The following RABGAP1L variants were observed in gnomAD, a reference collection of about 807,000 sequenced individuals.
RABGAP1L encodes the protein rab GTPase-activating protein 1-like.
A neutral mutation model predicts 137.7 loss-of-function variants in RABGAP1L; 63 were observed. The ratio of observed to expected loss-of-function variants is 0.46; its 90% CI spans 0.37 to 0.56. The LOEUF (loss-of-function observed/expected upper bound fraction) is 0.56, where lower values mean the gene tolerates loss of function less well. RABGAP1L is among the 20% of genes least tolerant of loss of function. The probability of loss-of-function intolerance (pLI) is 0.00; values close to 1 mark genes in which losing one functional copy is unlikely to be tolerated. For synonymous variants in RABGAP1L, 431 were observed against 433.7 expected (o/e 0.99, Z 0.08); for missense variants, 1,095 against 1,244.0 (o/e 0.88, Z 1.80).
chr1:174,187,161 A>G (rs1410429404), intron 1 of RABGAP1L, among the ~76,000 whole-genome samples: 1 of 152,176 alleles, frequency 6.6e-6, no homozygotes, highest in East Asian at 1.9e-4. Flanking sequence ...TTCTGTCCTC[A>G]GAGAGGCTTC....
At chr1:174,724,972 T>C (rs1393016683) in intron 17 of RABGAP1L, among the ~76,000 whole-genome samples, 1 of 152,122 alleles carries the variant, frequency 6.6e-6, no homozygotes, top group Non-Finnish European at 1.5e-5. Context: ...AGCCAGACTT[T>C]CTAGAACACA....
intron 19 of RABGAP1L, among the ~76,000 whole-genome samples, chr1:174,919,166 G>A (rs1208443327): frequency 6.6e-6 from 1 of 152,100 alleles, no homozygotes; most frequent in Admixed American, 6.6e-5. Flanking sequence ...TTACAGACAT[G>A]CGCCGCCATG....
intron 10 of RABGAP1L, among the ~76,000 whole-genome samples, chr1:174,303,396 T>C (rs1357604301): frequency 6.6e-6 from 1 of 152,172 alleles, no homozygotes; most frequent in African/African-American, 2.4e-5. Context: ...CTTGTAACTT[T>C]AGAGAATTTA....
At chr1:174,779,161 A>G (rs1686760825) in intron 18 of RABGAP1L, among the ~76,000 whole-genome samples, 1 of 152,170 alleles carries the variant, frequency 6.6e-6, no homozygotes, top group South Asian at 2.1e-4. Context: ...AAAGTATTTG[A>G]GTTGAACTTG....
chr1:174,724,892 T>A (rs1032416898), intron 17 of RABGAP1L, among the ~76,000 whole-genome samples: 3 of 151,994 alleles, frequency 2.0e-5, no homozygotes, highest in African/African-American at 4.8e-5. Flanking sequence ...AAGAGACGAG[T>A]AGGAGAAATC....
chr1:174,788,221 T>C (rs1254475468), intron 18 of RABGAP1L, among the ~76,000 whole-genome samples: 3 of 152,222 alleles, frequency 2.0e-5, no homozygotes, highest in Non-Finnish European at 4.4e-5. Flanking sequence ...AGTGATCTTA[T>C]AATCAACTTT....
At chr1:174,503,839 T>G (rs563471201) in intron 13 of RABGAP1L, among the ~76,000 whole-genome samples, 73 of 152,096 alleles carry the variant, frequency 4.8e-4, no homozygotes, top group African/African-American at 1.7e-3. Flanking sequence ...AACTATAAAG[T>G]ATTGATGAAA....
intron 18 of RABGAP1L, among the ~76,000 whole-genome samples, chr1:174,784,402 A>G (rs922923116): frequency 3.3e-5 from 5 of 152,004 alleles, no homozygotes; most frequent in African/African-American, 1.2e-4. Context: ...TCTGTTGTCA[A>G]TTTATTATAT....
intron 11 of RABGAP1L, among the ~76,000 whole-genome samples, chr1:174,356,062 T>G (rs980424556): frequency 1.3e-5 from 2 of 152,188 alleles, no homozygotes; most frequent in Non-Finnish European, 2.9e-5. Flanking sequence ...CATACACATG[T>G]GGTTTTGGTC....
Position 174,830,196 on chromosome 1 carries a change from A to G in RABGAP1L, c.2340+18236A>G, listed in dbSNP as rs921204516. Among the ~76,000 whole-genome samples, 4 of 147,668 alleles carry G rather than the reference A, an allele frequency of 2.7e-5. 1 individual carries two copies. Among genetic ancestry groups the G allele is most frequent in the Non-Finnish European group, 4.5e-5 (3 of 66,526 alleles). On this transcript the variant is annotated intron_variant, in intron 19 of 25. Coordinates refer to ENST00000681986, the MANE Select transcript of RABGAP1L (RefSeq NM_001366446.1). ...CTGTTTCAAACATACCACAAGGGAA[A>G]GGGATACCAGGAGTCATGACTGATT...
At chr1:174,628,702 C>T (rs1338006354) in intron 13 of RABGAP1L, among the ~76,000 whole-genome samples, 1 of 152,082 alleles carries the variant, frequency 6.6e-6, no homozygotes, top group Non-Finnish European at 1.5e-5. Context: ...TCGTATTGGA[C>T]TCTGAGGTAC....
chr1:174,200,813 G>A (rs1668042364), intron 1 of RABGAP1L, among the ~76,000 whole-genome samples: 1 of 152,014 alleles, frequency 6.6e-6, no homozygotes, highest in Non-Finnish European at 1.5e-5. Context: ...GTCCCTGCTG[G>A]TATTTTGCAT....
At chr1:174,980,014 G>A (rs1398744772) in intron 23 of RABGAP1L, among the ~76,000 whole-genome samples, 4 of 152,092 alleles carry the variant, frequency 2.6e-5, no homozygotes, top group Non-Finnish European at 5.9e-5. Flanking sequence ...TTAAATTTGT[G>A]TTCTTGTGGA....
At chr1:174,702,987 G>A (rs1679772692) in intron 17 of RABGAP1L, among the ~76,000 whole-genome samples, 1 of 152,030 alleles carries the variant, frequency 6.6e-6, no homozygotes, top group African/African-American at 2.4e-5. Context: ...CAGTATAAAT[G>A]TATATAAAAT....
chr1:174,861,790 A>G (rs1029315634), intron 19 of RABGAP1L, among the ~76,000 whole-genome samples: 3 of 152,058 alleles, frequency 2.0e-5, no homozygotes, highest in Admixed American at 1.3e-4. Flanking sequence ...GCCATTTTTA[A>G]ATTGGGTTAT....
chr1:174,557,354 T>C (rs1243742769), intron 13 of RABGAP1L, among the ~76,000 whole-genome samples: 4 of 152,228 alleles, frequency 2.6e-5, no homozygotes, highest in Non-Finnish European at 5.9e-5. Flanking sequence ...CCGATGGCCA[T>C]GTGTATCTCT....
intron 18 of RABGAP1L, among the ~76,000 whole-genome samples, chr1:174,767,406 GC>G (rs1685760107): frequency 6.6e-6 from 1 of 152,048 alleles, no homozygotes; most frequent in East Asian, 1.9e-4. Flanking sequence ...AAGTCTTAAA[GC>G]ACTTGAAAAA....
intron 19 of RABGAP1L, among the ~76,000 whole-genome samples, chr1:174,937,974 G>A (rs1479337217): frequency 2.0e-5 from 3 of 151,786 alleles, no homozygotes; most frequent in Non-Finnish European, 4.4e-5. Flanking sequence ...GCCTCCCAAA[G>A]TGCTAGGATT....
chr1:174,715,918 A>G (rs1680964211), intron 17 of RABGAP1L, among the ~76,000 whole-genome samples: 1 of 152,114 alleles, frequency 6.6e-6, no homozygotes, highest in African/African-American at 2.4e-5. Context: ...ACAGTTTTCC[A>G]TTGGTATCCA....
Sources: gnomAD v4.1 joint callset for allele counts (sites outside exome capture counted in the v4.1 genomes callset) on GRCh38, gnomAD v4.1.1 for gene constraint, MANE v1.5 for transcripts, NCBI Gene and HGNC (gene_info 2026-07-23, HGNC 2026-07-21) for gene names.